Variants in DOCK9 observed in about 807,000 individuals in gnomAD.
DOCK9 encodes dedicator of cytokinesis 9.
Under a neutral mutation model 263.3 loss-of-function variants are expected in DOCK9, and 89 were observed. The observed-to-expected ratio is 0.34, with a 90% CI of 0.28 to 0.40. The LOEUF is 0.40. Among genes scored for constraint, DOCK9 ranks in the 10% least tolerant of loss-of-function variants. The pLI is 1.00. For missense variants in DOCK9, 2,140 were observed against 2,603.4 expected, an observed-to-expected ratio of 0.82 and a Z score of 3.87; for synonymous variants, 976 against 973.1, an observed-to-expected ratio of 1.00 and a Z score of -0.06.
At chr13:98,955,048 T>C (rs1404425439) in intron 2 of DOCK9, among the ~76,000 whole-genome samples, 1 of 152,228 alleles carries the variant, frequency 6.6e-6, no homozygotes, top group Non-Finnish European at 1.5e-5. Context: ...CCGGGCACAG[T>C]GGCTCATGCC....
chr13:98,922,245 G>A (rs2052151391), intron 5 of DOCK9, 99 bp from the exon 6 acceptor site: 2 of 801,158 alleles, frequency 2.5e-6, no homozygotes, highest in South Asian at 3.4e-5. Context: ...TTTGTGCCAA[G>A]TTGTCCATTG....
At chr13:98,892,477 C>T (rs1361100617) in intron 15 of DOCK9, among the ~76,000 whole-genome samples, 3 of 151,664 alleles carry the variant, frequency 2.0e-5, no homozygotes, top group Admixed American at 6.6e-5. Flanking sequence ...GGAAATATTC[C>T]CTAAAAGCTT....
At chr13:98,886,677 T>G in intron 18 of DOCK9, 53 bp from the exon 19 acceptor site, 1 of 1,519,722 alleles carries the variant, frequency 6.6e-7, no homozygotes, top group Non-Finnish European at 9.1e-7. Flanking sequence ...AGTAAGAAAT[T>G]AAACTTGGAT....
chr13:98,979,453 A>G (rs1876547812), upstream of DOCK9, among the ~76,000 whole-genome samples: 1 of 152,076 alleles, frequency 6.6e-6, no homozygotes, highest in Admixed American at 6.6e-5. Flanking sequence ...GTCCTCGCAC[A>G]GCCGCCTCCC....
At chr13:99,001,048 G>A (rs1218790514) in intron 1 of DOCK9, among the ~76,000 whole-genome samples, 1 of 152,158 alleles carries the variant, frequency 6.6e-6, no homozygotes, top group African/African-American at 2.4e-5. Flanking sequence ...CCCTTACCCT[G>A]GTGGCGTCAG....
At chr13:99,017,908 A>C (rs1321048255) in intron 1 of DOCK9, among the ~76,000 whole-genome samples, 1 of 152,224 alleles carries the variant, frequency 6.6e-6, no homozygotes, top group Non-Finnish European at 1.5e-5. Flanking sequence ...AAGGTAACTA[A>C]GTGAGGTAAT....
intron 7 of DOCK9, among the ~76,000 whole-genome samples, chr13:98,918,180 C>G (rs1425162287): frequency 6.6e-6 from 1 of 152,186 alleles, no homozygotes; most frequent in Admixed American, 6.5e-5. Context: ...CTGAAGTGAG[C>G]CCCAAATTGC....
intron 1 of DOCK9, among the ~76,000 whole-genome samples, chr13:99,084,229 G>A (rs1459992523): frequency 6.6e-6 from 1 of 152,224 alleles, no homozygotes; most frequent in Non-Finnish European, 1.5e-5. Flanking sequence ...GAGGTGGGGG[G>A]ATGAGGTGTG....
At chr13:98,815,759 G>A (rs2140394737) in intron 45 of DOCK9, among the ~76,000 whole-genome samples, 1 of 152,258 alleles carries the variant, frequency 6.6e-6, no homozygotes, top group Admixed American at 6.5e-5. Flanking sequence ...GGGATTACAG[G>A]CGTGAGCCAC....
At chr13:98,918,031 T>G (rs551327595) in intron 7 of DOCK9, among the ~76,000 whole-genome samples, 58 of 152,310 alleles carry the variant, frequency 3.8e-4, no homozygotes, top group African/African-American at 1.3e-3. Flanking sequence ...TCCCTTCCAC[T>G]GCTGACCATA....
At chr13:98,985,453 C>T (rs1241472057) in intron 1 of DOCK9, among the ~76,000 whole-genome samples, 2 of 152,146 alleles carry the variant, frequency 1.3e-5, no homozygotes, top group Non-Finnish European at 2.9e-5. Context: ...CTGTTTTGTT[C>T]ATTGCTGTGT....
chr13:98,929,435 T>C (rs1328643052), intron 3 of DOCK9, among the ~76,000 whole-genome samples: 1 of 151,906 alleles, frequency 6.6e-6, no homozygotes, highest in Admixed American at 6.6e-5. Flanking sequence ...CCCAGCTACT[T>C]GGGAGGCTGA....
Position 98,863,401 on chromosome 13 carries a change from T to G in DOCK9, c.3434A>C (p.Lys1145Thr), listed in dbSNP as rs1196966116. The G allele has an allele frequency of 6.2e-7, 1 of 1,613,986 alleles. No homozygotes were observed. ...AISVLKNLLI[K>T]HSFDDRYASR... The stretch of plus-strand genomic sequence containing the variant: ...AGCATATCTGTCATCAAAAGAATGC[T>G]TTATCAGCAGGTTCTTGAGCACACT... Residue 1145 changes from lysine to threonine, a missense_variant, in exon 31 of 53, where the codon AAG (lysine) becomes ACG (threonine). Coordinates refer to ENST00000682017, the MANE Select transcript of DOCK9 (RefSeq NM_001366683.2).
intron 2 of DOCK9, among the ~76,000 whole-genome samples, chr13:98,949,126 G>A (rs951383111): frequency 3.9e-5 from 6 of 152,116 alleles, no homozygotes; most frequent in Admixed American, 6.5e-5. Flanking sequence ...AGGCTGGACC[G>A]CAGCAGCACA....
chr13:98,975,472 TACACACACACACAC>T (rs146581245), intron 1 of DOCK9, among the ~76,000 whole-genome samples: 1 of 142,414 alleles, frequency 7.0e-6, no homozygotes, highest in African/African-American at 2.6e-5. Context: ...TCTAAACACA[TACACACACACACAC>T]ACACACACAC....
intron 3 of DOCK9, among the ~76,000 whole-genome samples, chr13:98,927,890 A>C (rs534599430): frequency 6.6e-6 from 1 of 152,196 alleles, no homozygotes; most frequent in South Asian, 2.1e-4. Flanking sequence ...AAGTACTGGG[A>C]TTACAGGCGT....
chr13:98,844,665 C>T (rs1260046438), intron 38 of DOCK9, among the ~76,000 whole-genome samples: 3 of 152,190 alleles, frequency 2.0e-5, no homozygotes, highest in African/African-American at 7.2e-5. Flanking sequence ...CAGGCATGAG[C>T]CACCATGCCC....
chr13:98,939,982 T>G (rs2055551760), intron 2 of DOCK9, among the ~76,000 whole-genome samples: 1 of 152,214 alleles, frequency 6.6e-6, no homozygotes, highest in African/African-American at 2.4e-5. Context: ...AGTGCAGTAT[T>G]AAACATTACT....
At chr13:98,974,173 C>T (rs1306443614) in intron 1 of DOCK9, among the ~76,000 whole-genome samples, 3 of 151,504 alleles carry the variant, frequency 2.0e-5, no homozygotes, top group African/African-American at 7.3e-5. Context: ...AGGGGGGTGG[C>T]GGGTAGGGGG....
Sources: allele counts gnomAD v4.1 joint callset (sites outside exome capture counted in the v4.1 genomes callset), GRCh38; gene constraint gnomAD v4.1.1; transcripts MANE v1.5; gene names NCBI Gene and HGNC (gene_info 2026-07-23, HGNC 2026-07-21).